Variants in ELK3 observed in about 807,000 individuals in gnomAD.
ELK3 encodes ETS transcription factor ELK3, also known as ETS domain-containing protein Elk-3.
Under a neutral mutation model 28.9 loss-of-function variants are expected in ELK3, and 10 were observed. The observed-to-expected ratio is 0.35, with a 90% confidence interval of 0.21 to 0.59. The LOEUF (loss-of-function observed/expected upper bound fraction) is 0.59, where lower values mean the gene tolerates loss of function less well. ELK3 is among the 20% of genes least tolerant of loss of function. The pLI, the probability that ELK3 is intolerant of heterozygous loss-of-function variation, is 0.82. For synonymous variants in ELK3, 272 were observed against 243.5 expected, an observed-to-expected ratio of 1.12 and a Z score of -1.09; for missense variants, 463 against 517.3, an observed-to-expected ratio of 0.90 and a Z score of 1.02.
chr12:96,234,363 C>G (rs1454425072), intron 2 of ELK3, among the ~76,000 whole-genome samples: 1 of 152,212 alleles, frequency 6.6e-6, no homozygotes, highest in Non-Finnish European at 1.5e-5. Context: ...AGGCTGTTGC[C>G]CAAGCCCACA....
rs1951677910 is a variant in ELK3 at position 96,223,548 on chromosome 12, GCCT to G, written c.-2-12_-2-10del. On this transcript the variant is annotated splice_polypyrimidine_tract_variant and intron_variant, in intron 1 of 4. Coordinates refer to ENST00000228741, the MANE Select transcript of ELK3 (RefSeq NM_005230.4). ...CATCGTGACCAGCAGCTCTGACCTGGCCTCCTCTCCCTGCAGGTATGGAGAGTG... is the reference window on the plus strand; with the variant it reads ...CATCGTGACCAGCAGCTCTGACCTGGCCTCTCCCTGCAGGTATGGAGAGTG... 15 of 1,613,078 alleles carry G rather than the reference GCCT, an allele frequency of 9.3e-6. No homozygotes were observed. The Admixed American group carries it at 1.5e-4, about 16-fold the overall frequency.
chr12:96,204,807 A>G lies in ELK3; in HGVS notation c.-3+10102A>G, dbSNP rs573295327. Among the ~76,000 whole-genome samples, 3 of 152,348 alleles carry G rather than the reference A, an allele frequency of 2.0e-5. 1 individual carries two copies. Among genetic ancestry groups the G allele is most frequent in the African/African-American group, 7.2e-5 (3 of 41,578 alleles). On this transcript the variant is annotated intron_variant, in intron 1 of 4. Coordinates refer to ENST00000228741, the MANE Select transcript of ELK3 (RefSeq NM_005230.4). ...ATGTTAGAATGATTCCCTAACACTAAAAGTTAACAATATTTCTCTGGTTAA... is the reference window on the plus strand; with the variant it reads ...ATGTTAGAATGATTCCCTAACACTAGAAGTTAACAATATTTCTCTGGTTAA...
chr12:96,267,832 TAAAAG>T lies in ELK3; in HGVS notation c.*657_*661del, dbSNP rs10541744. The T allele has an allele frequency of 0.65, 99,052 of 151,910 alleles. 32,553 individuals carry two copies. Among genetic ancestry groups the T allele is most frequent in the African/African-American group, 0.71 (29,534 of 41,308 alleles). 9.4% of individuals were successfully genotyped at this position (151,910 alleles called of 1,614,324 possible). ...GCCATATTTAGACAATAAACATTGA[TAAAAG>T]AAAATGTTCTAAAGTACATTTTCAA... On this transcript the variant is annotated 3_prime_UTR_variant, in exon 5 of 5. Coordinates refer to ENST00000228741, the MANE Select transcript of ELK3 (RefSeq NM_005230.4).
intron 2 of ELK3, among the ~76,000 whole-genome samples, chr12:96,235,474 T>C (rs1286725386): frequency 2.0e-5 from 3 of 151,978 alleles, no homozygotes; most frequent in African/African-American, 7.3e-5. Flanking sequence ...TCAAGTGTAG[T>C]AGGAATGAGT....
At chr12:96,224,734 GTTGTTGCTGAATATT>G (rs1345707208) in intron 2 of ELK3, among the ~76,000 whole-genome samples, 1 of 152,224 alleles carries the variant, frequency 6.6e-6, no homozygotes, top group African/African-American at 2.4e-5. Flanking sequence ...GTTTGAATCT[GTTGTTGCTGAATATT>G]TAGCCTCTAA....
rs368919889 is a variant in ELK3 at position 96,247,201 on chromosome 12, G to A, written c.469G>A (p.Ala157Thr). 37 of 1,614,138 alleles carry A rather than the reference G, an allele frequency of 2.3e-5. No individual in the cohort carries two copies. The Admixed American group carries it at 3.5e-4, about 15-fold the overall frequency. Residue 157 changes from alanine to threonine, a missense_variant, in exon 3 of 5, where the codon GCC (alanine) becomes ACC (threonine). Around this residue, in one of 2 missense-constraint regions of ELK3, gnomAD observed 408 missense variants for 414.8 expected, o/e 0.98. Transcript: ENST00000228741. The surrounding 1 kb of genome is among the most constrained non-coding windows in gnomAD (Gnocchi z 5.5). ...TAATTCCCTGCAGAACCCACCAGAC[G>A]CCTTCAAGGCCATCAAGACGGAGAA... is the stretch of plus-strand genomic sequence containing the variant. ...TINSLQNPPD[A>T]FKAIKTEKLE... is the part of the protein sequence containing the mutation.
chr12:96,232,366 C>T lies in ELK3; in HGVS notation c.207+8593C>T, dbSNP rs567459983. On this transcript the variant is annotated intron_variant, in intron 2 of 4. Transcript: ENST00000228741. The stretch of plus-strand genomic sequence containing the variant: ...CGGGTGGATCCTGAGGTCAGGAGAT[C>T]GAGACCATTCCGGCCAACATGGTGA... Among the ~76,000 whole-genome samples, 21 of 151,896 alleles carry T rather than the reference C, an allele frequency of 1.4e-4. No individual in the cohort carries two copies. The South Asian group carries it at 2.7e-3, about 20-fold the overall frequency.
At chr12:96,206,126 C>T (rs1951536818) in intron 1 of ELK3, among the ~76,000 whole-genome samples, 2 of 152,120 alleles carry the variant, frequency 1.3e-5, no homozygotes. Flanking sequence ...ACAGCATCTT[C>T]CTTCAGCCTC....
chr12:96,217,406 A>G (rs1565780123), intron 1 of ELK3, among the ~76,000 whole-genome samples: 1 of 152,228 alleles, frequency 6.6e-6, no homozygotes, highest in Non-Finnish European at 1.5e-5. Flanking sequence ...AGACAGCCAA[A>G]TTCTGTCTTA....
chr12:96,249,112 T>C (rs1951881818), intron 3 of ELK3, among the ~76,000 whole-genome samples: 1 of 152,202 alleles, frequency 6.6e-6, no homozygotes, highest in Non-Finnish European at 1.5e-5. Flanking sequence ...CCAGCTGAGA[T>C]AAATGAGGCA....
intron 2 of ELK3, among the ~76,000 whole-genome samples, chr12:96,243,774 C>G (rs1377783924): frequency 6.7e-6 from 1 of 148,682 alleles, no homozygotes; most frequent in Non-Finnish European, 1.5e-5. Flanking sequence ...ATCAGGGAGG[C>G]GGAGCTTGCA....
At chr12:96,218,513 C>T (rs2137010855) in intron 1 of ELK3, among the ~76,000 whole-genome samples, 1 of 151,998 alleles carries the variant, frequency 6.6e-6, no homozygotes, top group South Asian at 2.1e-4. Flanking sequence ...CTGTTGGGTG[C>T]AGTGTTCGCT....
intron 2 of ELK3, among the ~76,000 whole-genome samples, chr12:96,234,633 T>G (rs574975077): frequency 2.6e-5 from 4 of 152,306 alleles, no homozygotes; most frequent in African/African-American, 9.6e-5. Flanking sequence ...CAGCATTTTG[T>G]TTTAAGCCAG....
At chr12:96,262,816 CTT>C (rs777970376) in intron 4 of ELK3, among the ~76,000 whole-genome samples, 5 of 143,688 alleles carry the variant, frequency 3.5e-5, no homozygotes, top group African/African-American at 5.1e-5. Context: ...TTTTTAAGAA[CTT>C]TTTTTTTTTT....
intron 4 of ELK3, among the ~76,000 whole-genome samples, chr12:96,260,795 T>C (rs1376172283): frequency 2.0e-5 from 3 of 152,226 alleles, no homozygotes; most frequent in Non-Finnish European, 4.4e-5. Flanking sequence ...CGTCCCTGCC[T>C]GTATCCTGTG....
intron 3 of ELK3, among the ~76,000 whole-genome samples, chr12:96,257,099 C>T (rs1376657337): frequency 6.6e-6 from 1 of 152,234 alleles, no homozygotes; most frequent in Non-Finnish European, 1.5e-5. Context: ...GGAAAGAAAA[C>T]AGCACTTTTT....
At chr12:96,235,131 G>T (rs866871775) in intron 2 of ELK3, among the ~76,000 whole-genome samples, 2 of 151,950 alleles carry the variant, frequency 1.3e-5, no homozygotes, top group African/African-American at 4.8e-5. Context: ...AGCTCTCGGC[G>T]GCCTCCAGGA....
intron 1 of ELK3, among the ~76,000 whole-genome samples, chr12:96,196,259 G>A (rs950119952): frequency 2.0e-5 from 3 of 152,148 alleles, no homozygotes; most frequent in African/African-American, 4.8e-5. Context: ...CGCCCAACGA[G>A]CCTTTTCAGG....
Position 96,269,527 on chromosome 12 carries a change from G to A in ELK3, c.*2347G>A, listed in dbSNP as rs1450193591. ...CCTGTAACACAAACAGAGAACTGGA[G>A]GAACTGAAGAATAACTCACTCATAT... On this transcript the variant is annotated 3_prime_UTR_variant, in exon 5 of 5. Coordinates refer to ENST00000228741, the MANE Select transcript of ELK3 (RefSeq NM_005230.4). The A allele has an allele frequency of 6.6e-6, 1 of 152,164 alleles. No homozygotes were observed. The allele number at this position is 152,164 out of a possible 1,614,324, so 9.4% of individuals were successfully genotyped here.
Sources: gnomAD v4.1 joint callset for allele counts (sites outside exome capture counted in the v4.1 genomes callset) on GRCh38, gnomAD v4.1.1 for gene constraint, gnomAD v4.1.1 regional missense constraint, Gnocchi (gnomAD v3.1) non-coding constraint, MANE v1.5 for transcripts, NCBI Gene and HGNC (gene_info 2026-07-23, HGNC 2026-07-21) for gene names.